KLHL29: variants seen among roughly 807,000 people sequenced by gnomAD.
KLHL29 encodes the protein kelch-like protein 29.
A neutral mutation model predicts 80.4 loss-of-function variants in KLHL29; 21 were observed. That is an observed-to-expected ratio of 0.26 (90% CI 0.19 to 0.38). The LOEUF (loss-of-function observed/expected upper bound fraction) is 0.38. KLHL29 is among the 10% of genes least tolerant of loss of function. The probability of loss-of-function intolerance (pLI) is 1.00; values close to 1 mark genes in which losing one functional copy is unlikely to be tolerated. For missense variants in KLHL29, 867 were observed against 1,223.9 expected (o/e 0.71, Z 4.35); for synonymous variants, 511 against 526.8 (o/e 0.97, Z 0.41).
At chr2:23,403,722 A>AGTGTGTGTGTGT (rs202189865) in intron 1 of KLHL29, among the ~76,000 whole-genome samples, 2 of 141,002 alleles carry the variant, frequency 1.4e-5, no homozygotes, top group African/African-American at 2.8e-5. Context: ...AGAGAGAGAG[A>AGTGTGTGTGTGT]GAGAGTGTGT....
At chr2:23,496,938 T>C (rs1044721022) in intron 2 of KLHL29, among the ~76,000 whole-genome samples, 2 of 152,122 alleles carry the variant, frequency 1.3e-5, no homozygotes. Flanking sequence ...AGAATTGCAA[T>C]TGTCAGAAAT....
chr2:23,389,107 G>A (rs916867961), intron 1 of KLHL29, among the ~76,000 whole-genome samples: 1 of 151,526 alleles, frequency 6.6e-6, no homozygotes, highest in Non-Finnish European at 1.5e-5. Context: ...GTCTGTCCTG[G>A]GGTCTTTTCT....
At chr2:23,449,973 G>A (rs533201816) in intron 1 of KLHL29, among the ~76,000 whole-genome samples, 1 of 152,350 alleles carries the variant, frequency 6.6e-6, no homozygotes, top group East Asian at 1.9e-4. Context: ...GGGCTCCCCA[G>A]CTGACTCAGG....
chr2:23,640,220 G>A (rs1016553630), intron 4 of KLHL29, among the ~76,000 whole-genome samples: 2 of 152,166 alleles, frequency 1.3e-5, no homozygotes, highest in African/African-American at 4.8e-5. Flanking sequence ...AGCTTCTGTT[G>A]CTGACCCTAC....
rs140893445 is a variant in KLHL29, at chr2:23,578,752, G to A, written c.285+16271G>A. 1.2e-3 allele frequency among the ~76,000 whole-genome samples: 182 copies of A among 152,330 alleles called. 1 individual carries two copies. The highest frequency in any genetic ancestry group is 4.3e-3 in the African/African-American group (179 of 41,588). On this transcript the variant is annotated intron_variant, in intron 3 of 13. Coordinates refer to ENST00000486442, the MANE Select transcript of KLHL29 (RefSeq NM_052920.2). ...AATCCACTCGCTTTACTGAAAAACAGCTGTGCACTTTTGAAAATTATATTT... is the reference window on the plus strand; with the variant it reads ...AATCCACTCGCTTTACTGAAAAACAACTGTGCACTTTTGAAAATTATATTT...
intron 1 of KLHL29, 76 bp from the exon 2 acceptor site, chr2:23,475,484 A>G (rs914571714): frequency 7.5e-6 from 1 of 133,396 alleles, no homozygotes; most frequent in Non-Finnish European, 1.6e-5. Flanking sequence ...ATCTTTTTGC[A>G]AAAAAAAAAA....
chr2:23,443,505 A>G (rs962433245), intron 1 of KLHL29, among the ~76,000 whole-genome samples: 3 of 152,052 alleles, frequency 2.0e-5, no homozygotes, highest in Admixed American at 1.3e-4. Context: ...TTTCCCTTTC[A>G]TAGCATTGAC....
intron 3 of KLHL29, among the ~76,000 whole-genome samples, chr2:23,629,854 TGAGAGAGGGA>T (rs1558415510): frequency 1.3e-5 from 2 of 151,856 alleles, no homozygotes; most frequent in African/African-American, 4.8e-5. Context: ...CCAACAATCC[TGAGAGAGGGA>T]GAGAGAGGCC....
intron 2 of KLHL29, among the ~76,000 whole-genome samples, chr2:23,519,040 G>C (rs11887500): frequency 2.0e-5 from 3 of 152,174 alleles, no homozygotes; most frequent in Non-Finnish European, 4.4e-5. Context: ...CATGTGGAGA[G>C]CCCACTTCTC....
At chr2:23,705,492 A>C (rs1672661108) in intron 13 of KLHL29, among the ~76,000 whole-genome samples, 1 of 148,022 alleles carries the variant, frequency 6.8e-6, no homozygotes, top group Non-Finnish European at 1.5e-5. Context: ...CTCCGTCTCA[A>C]AAAAAAAAAA....
In KLHL29 at chr2:23,596,917, C is replaced by G. The variant is rs893492269; in HGVS notation, c.285+34436C>G. 1.4e-4 allele frequency among the ~76,000 whole-genome samples: 21 copies of G among 152,078 alleles called. No homozygotes were observed. The highest frequency in any genetic ancestry group is 4.8e-4 in the African/African-American group (20 of 41,402). On this transcript the variant is annotated intron_variant, in intron 3 of 13. Transcript: ENST00000486442. The surrounding 1 kb of genome is among the most constrained non-coding windows in gnomAD (Gnocchi z 4.4). ...GGAGTGGTCCCAGCCAGATAGGTGC[C>G]TGGGGATACAGGAAAGCTCAGGGCT...
chr2:23,473,372 G>GGC (rs973171739), intron 1 of KLHL29, among the ~76,000 whole-genome samples: 5 of 152,082 alleles, frequency 3.3e-5, no homozygotes, highest in African/African-American at 1.2e-4. Context: ...AGGTCAAAAG[G>GGC]GCCCAACACA....
chr2:23,604,657 T>C (rs1186928230), intron 3 of KLHL29, among the ~76,000 whole-genome samples: 1 of 151,970 alleles, frequency 6.6e-6, no homozygotes, highest in Non-Finnish European at 1.5e-5. Context: ...ATCTGCAAAA[T>C]GGAGAGAGAG....
At chr2:23,536,938 G>GCTCT (rs961764440) in intron 2 of KLHL29, among the ~76,000 whole-genome samples, 12 of 87,542 alleles carry the variant, frequency 1.4e-4, no homozygotes, top group Admixed American at 2.5e-4. Context: ...TCCCTCTCTC[G>GCTCT]CTCTCTCTCT....
chr2:23,416,491 A>C (rs1204792663), intron 1 of KLHL29, among the ~76,000 whole-genome samples: 1 of 152,228 alleles, frequency 6.6e-6, no homozygotes, highest in Non-Finnish European at 1.5e-5. Flanking sequence ...ACTCAAGTCC[A>C]GGGTCTCTTC....
intron 5 of KLHL29, among the ~76,000 whole-genome samples, chr2:23,644,590 A>T (rs2149160142): frequency 1.3e-5 from 2 of 152,364 alleles, no homozygotes; most frequent in African/African-American, 4.8e-5. Context: ...CAGGCAGCTA[A>T]ACATTGTCAG....
intron 2 of KLHL29, among the ~76,000 whole-genome samples, chr2:23,513,751 G>A (rs1002205395): frequency 6.6e-6 from 1 of 152,108 alleles, no homozygotes; most frequent in South Asian, 2.1e-4. Flanking sequence ...AGGATGCGCT[G>A]GGTGCAGGAC....
intron 3 of KLHL29, among the ~76,000 whole-genome samples, chr2:23,570,630 A>G (rs1012649741): frequency 1.3e-5 from 2 of 152,130 alleles, no homozygotes; most frequent in Admixed American, 6.5e-5. Flanking sequence ...CTGTGGATGG[A>G]TAAAGGAAGT....
Position 23,684,341 on chromosome 2 carries a change from T to TAAA in KLHL29, c.941-47_941-45dup. ...AAAAAGAAAAAAAACTTTTTTTAAT[T>TAAA]AAAAAAAAAAAAACTCTTAATGGGA... On this transcript the variant is annotated intron_variant, in intron 5 of 13. Coordinates refer to ENST00000486442, the MANE Select transcript of KLHL29 (RefSeq NM_052920.2). This position sits in a 1 kb window ranked among gnomAD's most constrained non-coding sequence, Gnocchi z 4.4. 28 of 993,420 alleles carry TAAA rather than the reference T, an allele frequency of 2.8e-5. No individual in the cohort carries two copies. Among genetic ancestry groups the TAAA allele is most frequent in the Middle Eastern group, 2.7e-4 (1 of 3,688 alleles). The allele number at this position is 993,420 out of a possible 1,614,324, so 61.5% of individuals were successfully genotyped here. A position where few individuals can be genotyped will look rare whatever the true frequency, so the allele number is the denominator to read the frequency against.
Sources: allele counts gnomAD v4.1 joint callset (sites outside exome capture counted in the v4.1 genomes callset), GRCh38; gene constraint gnomAD v4.1.1; non-coding constraint Gnocchi (gnomAD v3.1); transcripts MANE v1.5; gene names NCBI Gene and HGNC (gene_info 2026-07-23, HGNC 2026-07-21).